The following VAV2 variants were observed in gnomAD, a reference collection of about 807,000 sequenced individuals.
The protein encoded by VAV2 is vav guanine nucleotide exchange factor 2, also known as guanine nucleotide exchange factor VAV2.
Under a neutral mutation model 132.5 loss-of-function variants are expected in VAV2, and 67 were observed. That is an observed-to-expected ratio of 0.51 (90% CI 0.42 to 0.62). VAV2 has a LOEUF of 0.62. VAV2 is among the 20% of genes least tolerant of loss of function. The probability of loss-of-function intolerance (pLI) is 0.00; values close to 1 mark genes in which losing one functional copy is unlikely to be tolerated. For missense variants in VAV2, 938 were observed against 1,153.6 expected (o/e 0.81, Z 2.71); for synonymous variants, 492 against 443.5 (o/e 1.11, Z -1.37).
intron 2 of VAV2, among the ~76,000 whole-genome samples, chr9:133,888,854 TA>T (rs1838815527): frequency 1.3e-5 from 2 of 152,196 alleles, no homozygotes; most frequent in South Asian, 4.1e-4. Context: ...ACACACAATT[TA>T]ATTTCCCCCA....
At chr9:133,807,902 C>T (rs912633457) in intron 7 of VAV2, among the ~76,000 whole-genome samples, 2 of 152,184 alleles carry the variant, frequency 1.3e-5, no homozygotes, top group Non-Finnish European at 2.9e-5. Context: ...TCTGGAGGCC[C>T]GGCCACCCTC....
intron 2 of VAV2, among the ~76,000 whole-genome samples, 175 bp downstream of exon 2, chr9:133,938,928 A>G (rs1421644683): frequency 6.6e-6 from 1 of 152,086 alleles, no homozygotes; most frequent in Non-Finnish European, 1.5e-5. Flanking sequence ...TGGCTTTCAC[A>G]CCTTCCTGTT....
intron 1 of VAV2, among the ~76,000 whole-genome samples, chr9:133,988,111 C>T (rs1320777881): frequency 1.3e-5 from 2 of 152,210 alleles, no homozygotes; most frequent in Non-Finnish European, 2.9e-5. Flanking sequence ...GAGGGAACAT[C>T]ATAGAGGCCT....
chr9:133,992,123 G>C lies in VAV2; in HGVS notation c.156C>G (p.Pro52=). ...LLCQLLHNLS[P]GSIDLKDINF... ...TGATGTCCTTGAGGTCGATGGAGCC[G>C]GGGGAGAGGTTGTGCAGCAGCTGGC... Residue 52 remains proline, a synonymous_variant, in exon 1 of 30, where the codon CCC becomes CCG. Transcript: ENST00000371850. This position sits in a 1 kb window ranked among gnomAD's most constrained non-coding sequence, Gnocchi z 5.5. 6.3e-7 allele frequency: 1 copy of C among 1,591,638 alleles called. No homozygotes were observed. The highest frequency in any genetic ancestry group is 1.1e-5 in the South Asian group (1 of 88,902).
intron 1 of VAV2, among the ~76,000 whole-genome samples, chr9:133,973,120 T>G (rs1842393657): frequency 6.6e-6 from 1 of 151,900 alleles, no homozygotes; most frequent in African/African-American, 2.4e-5. Flanking sequence ...GAAGACCCAG[T>G]GCCACGGAGG....
chr9:133,811,809 T>C (rs1178466641), intron 5 of VAV2, among the ~76,000 whole-genome samples: 1 of 152,148 alleles, frequency 6.6e-6, no homozygotes, highest in African/African-American at 2.4e-5. Flanking sequence ...GAGAATCCCA[T>C]GGCAACACGG....
intron 21 of VAV2, 37 bp from the exon 22 acceptor site, chr9:133,778,926 A>C: frequency 3.1e-6 from 5 of 1,603,590 alleles, no homozygotes; most frequent in Non-Finnish European, 4.3e-6. Flanking sequence ...GTGACTCAGC[A>C]GCTCACTCGG....
chr9:133,832,297 A>G (rs1028729576), intron 4 of VAV2, among the ~76,000 whole-genome samples: 2 of 152,228 alleles, frequency 1.3e-5, no homozygotes, highest in African/African-American at 4.8e-5. Context: ...TGGATGTGGC[A>G]GAGAAGGATT....
chr9:133,856,349 G>A (rs1040574983), intron 3 of VAV2, among the ~76,000 whole-genome samples: 2 of 152,226 alleles, frequency 1.3e-5, no homozygotes, highest in Non-Finnish European at 2.9e-5. Flanking sequence ...GGGCCAGGAT[G>A]AGACAATCAA....
At chr9:133,780,894 C>T (rs1347112995) in intron 19 of VAV2, among the ~76,000 whole-genome samples, 184 bp from the exon 20 acceptor site, 1 of 152,224 alleles carries the variant, frequency 6.6e-6, no homozygotes, top group Non-Finnish European at 1.5e-5. Flanking sequence ...GCTGTGAAAG[C>T]CTCTCAGTTA....
chr9:133,871,487 T>C (rs1588294903), intron 2 of VAV2, among the ~76,000 whole-genome samples: 1 of 129,440 alleles, frequency 7.7e-6, no homozygotes, highest in African/African-American at 4.2e-5. Flanking sequence ...GATGGATGGA[T>C]GGATGGATGG....
intron 1 of VAV2, among the ~76,000 whole-genome samples, chr9:133,947,773 G>C (rs1245916901): frequency 6.6e-6 from 1 of 151,832 alleles, no homozygotes; most frequent in Non-Finnish European, 1.5e-5. Flanking sequence ...CCATCACCAG[G>C]GCCCCCGCGC....
At chr9:133,933,298 GGGTC>G (rs1365357131) in intron 2 of VAV2, among the ~76,000 whole-genome samples, 1 of 152,242 alleles carries the variant, frequency 6.6e-6, no homozygotes, top group Non-Finnish European at 1.5e-5. Context: ...GCTAATCTGA[GGGTC>G]CCTGTGAGGG....
At position 133,857,253 on chromosome 9, in the gene VAV2, C is replaced by T. The variant is rs1013574687; in HGVS notation, c.380+4121G>A. On this transcript the variant is annotated intron_variant, in intron 3 of 29. Transcript: ENST00000371850. The surrounding 1 kb of genome is among the most constrained non-coding windows in gnomAD (Gnocchi z 4.0). Reference sequence around the variant, plus strand: ...GGCCACAGCAAGACCCACATCCCCACACGCCTCGCTGGGTGCCTTCCACAA... The same window carrying T: ...GGCCACAGCAAGACCCACATCCCCATACGCCTCGCTGGGTGCCTTCCACAA... Among the ~76,000 whole-genome samples the T allele has an allele frequency of 6.6e-6, 1 of 152,320 alleles. No individual in the cohort carries two copies. The highest frequency in any genetic ancestry group is 1.9e-4 in the East Asian group (1 of 5,180).
rs1168995190 is a variant in VAV2, at chr9:133,834,605, T to A, written c.381-265A>T. ...CCCACTCCGGGCTCCGGGTGTCCAG[T>A]GGGAAGACGAGAGGCCCAGGTCAGG... is the stretch of plus-strand genomic sequence containing the variant. On this transcript the variant is annotated intron_variant, in intron 3 of 29. Transcript: ENST00000371850. This position sits in a 1 kb window ranked among gnomAD's most constrained non-coding sequence, Gnocchi z 5.9. Among the ~76,000 whole-genome samples the A allele has an allele frequency of 5.3e-5, 8 of 152,212 alleles. No homozygotes were observed. The highest frequency in any genetic ancestry group is 1.9e-4 in the African/African-American group (8 of 41,460).
At chr9:133,839,493 C>T (rs1421414682) in intron 3 of VAV2, among the ~76,000 whole-genome samples, 3 of 151,504 alleles carry the variant, frequency 2.0e-5, no homozygotes, top group South Asian at 2.1e-4. Context: ...CACTGTCACC[C>T]GGGCTGGAGT....
chr9:133,932,778 G>A (rs1054574344), intron 2 of VAV2, among the ~76,000 whole-genome samples: 1 of 152,194 alleles, frequency 6.6e-6, no homozygotes. Flanking sequence ...GATGAGAGGA[G>A]GCACCAGAAG....
chr9:133,838,475 G>GTGGGTGGGTGGA (rs1564394742), intron 3 of VAV2, among the ~76,000 whole-genome samples: 2 of 78,296 alleles, frequency 2.6e-5, no homozygotes, highest in South Asian at 6.1e-4. Flanking sequence ...GGGTGGGTGG[G>GTGGGTGGGTGGA]TGGATGGGTG....
intron 3 of VAV2, among the ~76,000 whole-genome samples, chr9:133,843,280 A>C (rs1230433120): frequency 1.3e-5 from 2 of 152,188 alleles, no homozygotes; most frequent in Non-Finnish European, 2.9e-5. Context: ...ACCTGGGGAA[A>C]CCAGGAAGGG....
Sources: allele counts gnomAD v4.1 joint callset (sites outside exome capture counted in the v4.1 genomes callset), GRCh38; gene constraint gnomAD v4.1.1; non-coding constraint Gnocchi (gnomAD v3.1); transcripts MANE v1.5; gene names NCBI Gene and HGNC (gene_info 2026-07-23, HGNC 2026-07-21).